The following GRM8 variants were observed in gnomAD, a reference collection of about 807,000 sequenced individuals.
GRM8 encodes metabotropic glutamate receptor 8.
A neutral mutation model predicts 87.2 loss-of-function variants in GRM8; 47 were observed. The ratio of observed to expected loss-of-function variants is 0.54; its 90% CI spans 0.43 to 0.69. GRM8 has a LOEUF of 0.69. Ranked by LOEUF, GRM8 falls within the 30% of genes least tolerant of loss-of-function variation. The pLI is 0.00. For synonymous variants in GRM8, 396 were observed against 404.5 expected, an observed-to-expected ratio of 0.98 and a Z score of 0.25; for missense variants, 1,019 against 1,139.2, an observed-to-expected ratio of 0.89 and a Z score of 1.52.
At chr7:126,713,005 A>T (rs1811282564) in intron 7 of GRM8, among the ~76,000 whole-genome samples, 1 of 152,194 alleles carries the variant, frequency 6.6e-6, no homozygotes, top group African/African-American at 2.4e-5. Flanking sequence ...GTGGGAGTGT[A>T]AATTAATTCA....
chr7:126,713,994 G>A (rs919887920), intron 7 of GRM8, among the ~76,000 whole-genome samples: 13 of 151,432 alleles, frequency 8.6e-5, no homozygotes, highest in African/African-American at 3.2e-4. Context: ...AGTATTGGCT[G>A]GGCACGGTGG....
chr7:127,107,069 A>G (rs1363969686), intron 2 of GRM8, among the ~76,000 whole-genome samples: 1 of 152,222 alleles, frequency 6.6e-6, no homozygotes, highest in Admixed American at 6.5e-5. Flanking sequence ...GAGAAAAATG[A>G]AGGCATATAC....
chr7:126,811,307 C>T (rs1793267971), intron 6 of GRM8, among the ~76,000 whole-genome samples: 1 of 151,646 alleles, frequency 6.6e-6, no homozygotes. Context: ...AATGTGATAC[C>T]TCCTGCTTTG....
At chr7:126,809,102 C>T (rs1324154983) in intron 6 of GRM8, among the ~76,000 whole-genome samples, 2 of 152,174 alleles carry the variant, frequency 1.3e-5, no homozygotes, top group South Asian at 2.1e-4. Context: ...ACCTAAATTC[C>T]ATGGCTCATG....
Position 126,439,044 on chromosome 7 carries a change from G to A in GRM8, c.*75C>T. ...TTGTAGTCTACGGAGATCTCCAGGA[G>A]TGAATTTTTGCGGTCTCATGTTCAT... On this transcript the variant is annotated 3_prime_UTR_variant, in exon 11 of 11. Transcript: ENST00000339582. 2.3e-6 allele frequency: 2 copies of A among 864,376 alleles called. No homozygotes were observed. Among genetic ancestry groups the A allele is most frequent in the Non-Finnish European group, 4.0e-6 (2 of 497,386 alleles). 53.5% of individuals were successfully genotyped at this position (864,376 alleles called of 1,614,324 possible). A position where few individuals can be genotyped will look rare whatever the true frequency, so the allele number is the denominator to read the frequency against.
At chr7:126,490,467 G>A (rs1438108553) in intron 9 of GRM8, among the ~76,000 whole-genome samples, 6 of 152,082 alleles carry the variant, frequency 3.9e-5, no homozygotes, top group Admixed American at 3.9e-4. Context: ...TGACAAAAAA[G>A]GGTATTAATA....
intron 2 of GRM8, among the ~76,000 whole-genome samples, chr7:127,171,484 T>C (rs1563556339): frequency 1.3e-5 from 2 of 152,196 alleles, no homozygotes; most frequent in East Asian, 1.9e-4. Context: ...CAAACGTCAT[T>C]GTTGCCTTAT....
chr7:127,164,988 C>T (rs548709226), intron 2 of GRM8, among the ~76,000 whole-genome samples: 13 of 151,454 alleles, frequency 8.6e-5, no homozygotes, highest in Admixed American at 5.9e-4. Context: ...ATTCAGTCAA[C>T]GTTAGGTACT....
rs572753173 is a variant in GRM8 at position 126,487,566 on chromosome 7, T to C, written c.2431-41194A>G. 2.6e-5 allele frequency among the ~76,000 whole-genome samples: 4 copies of C among 152,176 alleles called. No individual in the cohort carries two copies. The South Asian group carries it at 8.3e-4, about 32-fold the overall frequency. On this transcript the variant is annotated intron_variant, in intron 9 of 10. Transcript: ENST00000339582. ...AAACAATGTCAATGACCTTTCCCTA[T>C]ACTATTATATTAAAATCCATTGGTC...
chr7:127,031,703 G>A (rs775964548), intron 3 of GRM8, among the ~76,000 whole-genome samples: 9 of 152,088 alleles, frequency 5.9e-5, no homozygotes, highest in African/African-American at 9.6e-5. Flanking sequence ...AAAAATCATC[G>A]AGTTATCTGC....
intron 6 of GRM8, among the ~76,000 whole-genome samples, chr7:126,892,479 T>C (rs1425139088): frequency 2.0e-5 from 3 of 152,124 alleles, no homozygotes; most frequent in African/African-American, 7.2e-5. Flanking sequence ...TCATTTTTTA[T>C]GGCTGCATAG....
At chr7:126,660,375 C>T (rs1190428259) in intron 7 of GRM8, among the ~76,000 whole-genome samples, 1 of 152,130 alleles carries the variant, frequency 6.6e-6, no homozygotes, top group Non-Finnish European at 1.5e-5. Flanking sequence ...ATATCTGGCA[C>T]ATAATAAATA....
At chr7:126,532,750 C>A (rs1815014065) in intron 9 of GRM8, among the ~76,000 whole-genome samples, 1 of 129,496 alleles carries the variant, frequency 7.7e-6, no homozygotes, top group Admixed American at 8.8e-5. Context: ...AGCAATGTGA[C>A]CTTGACGGAT....
intron 7 of GRM8, among the ~76,000 whole-genome samples, chr7:126,753,825 C>T (rs1226918914): frequency 6.6e-6 from 1 of 151,730 alleles, no homozygotes; most frequent in Non-Finnish European, 1.5e-5. Flanking sequence ...TTTCTAAGTG[C>T]CATATAGTGT....
intron 3 of GRM8, among the ~76,000 whole-genome samples, chr7:126,982,039 A>T (rs1224849496): frequency 6.6e-6 from 1 of 152,180 alleles, no homozygotes; most frequent in Non-Finnish European, 1.5e-5. Flanking sequence ...GTATTAACTC[A>T]CATGATCACA....
chr7:127,034,140 T>C (rs1817638446), intron 3 of GRM8, among the ~76,000 whole-genome samples: 1 of 152,210 alleles, frequency 6.6e-6, no homozygotes, highest in South Asian at 2.1e-4. Context: ...CAGTTACATA[T>C]AAATACATTT....
At chr7:127,122,490 G>GA (rs1388097176) in intron 2 of GRM8, among the ~76,000 whole-genome samples, 2 of 150,618 alleles carry the variant, frequency 1.3e-5, no homozygotes, top group African/African-American at 4.9e-5. Context: ...AATGGAAAAA[G>GA]AAAAAACAGG....
intron 7 of GRM8, among the ~76,000 whole-genome samples, chr7:126,618,407 C>A (rs1028925802): frequency 2.0e-5 from 3 of 152,132 alleles, no homozygotes; most frequent in Middle Eastern, 3.2e-3. Flanking sequence ...AATGTTAGAC[C>A]TAAAACCATA....
intron 3 of GRM8, among the ~76,000 whole-genome samples, chr7:127,060,201 T>C (rs1055853634): frequency 2.0e-5 from 3 of 152,230 alleles, no homozygotes; most frequent in Non-Finnish European, 4.4e-5. Context: ...ACTTTTAAGC[T>C]AGACAAACAC....
Sources: gnomAD v4.1 joint callset for allele counts (sites outside exome capture counted in the v4.1 genomes callset) on GRCh38, gnomAD v4.1.1 for gene constraint, MANE v1.5 for transcripts, NCBI Gene and HGNC (gene_info 2026-07-23, HGNC 2026-07-21) for gene names.